The following SCARA3 variants were observed in gnomAD, a reference collection of about 807,000 sequenced individuals.
SCARA3 encodes scavenger receptor class A member 3, also known as cellular stress response gene protein.
In SCARA3, 39 loss-of-function variants were observed where a neutral mutation model predicts 47.0. The observed-to-expected ratio is 0.83, with a 90% confidence interval of 0.64 to 1.08. The LOEUF (loss-of-function observed/expected upper bound fraction) is 1.08. SCARA3 is among the 50% of genes least tolerant of loss of function. The probability of loss-of-function intolerance (pLI) is 0.00; values close to 1 mark genes in which losing one functional copy is unlikely to be tolerated. For synonymous variants in SCARA3, 356 were observed against 334.1 expected, an observed-to-expected ratio of 1.07 and a Z score of -0.71; for missense variants, 724 against 792.3, an observed-to-expected ratio of 0.91 and a Z score of 1.04.
In SCARA3 at chr8:27,672,867, T is replaced by C; in HGVS notation, c.*1516T>C. ...CAACACGGACCCAGAGAGCAGCCCT[T>C]CCCTGCTCAAAGCCTTTCCGCACCC... On this transcript the variant is annotated 3_prime_UTR_variant, in exon 6 of 6. Coordinates refer to ENST00000301904, the MANE Select transcript of SCARA3 (RefSeq NM_016240.3). The C allele has an allele frequency of 1.0e-6, 1 of 985,634 alleles. No homozygotes were observed. Among genetic ancestry groups the C allele is most frequent in the African/African-American group, 1.7e-5 (1 of 57,346 alleles). 61.1% of individuals were successfully genotyped at this position (985,634 alleles called of 1,614,324 possible).
the SCARA3 span, among the ~76,000 whole-genome samples, chr8:27,684,076 A>G: frequency 2.6e-5 from 4 of 152,210 alleles, no homozygotes; most frequent in African/African-American, 7.2e-5. Context: ...AGAAAAAAAC[A>G]TATGTTTTTG....
At position 27,651,519 on chromosome 8, in the gene SCARA3, C is replaced by G; in HGVS notation, c.118C>G (p.Pro40Ala). 1 of 1,612,580 alleles carries G rather than the reference C, an allele frequency of 6.2e-7. No individual in the cohort carries two copies. Residue 40 changes from proline (P) to alanine (A), a missense_variant, in exon 3 of 6, where the codon CCC (proline) becomes GCC (alanine). Pro to Ala is a conservative substitution (Grantham distance 27). Coordinates refer to ENST00000301904, the MANE Select transcript of SCARA3 (RefSeq NM_016240.3). ...FPCTQKGRPG[P>A]RCSRCQKNLS... ...TGTGTCCCCCACAGGCCGGCCAGGGCCCCGCTGCAGCCGCTGCCAGAAGAA... is the reference window on the plus strand; with the variant it reads ...TGTGTCCCCCACAGGCCGGCCAGGGGCCCGCTGCAGCCGCTGCCAGAAGAA...
chr8:27,692,144 T>A, the SCARA3 span, among the ~76,000 whole-genome samples: 2 of 152,114 alleles, frequency 1.3e-5, no homozygotes, highest in Admixed American at 1.3e-4. Context: ...TTAAAACTGA[T>A]AGAACAGGCC....
At chr8:27,676,288 G>T (rs1458656861), downstream of SCARA3, among the ~76,000 whole-genome samples, 2 of 152,218 alleles carry the variant, frequency 1.3e-5, no homozygotes. Context: ...CTGTGACAAG[G>T]CTTCACACTG....
chr8:27,725,237 A>C, the SCARA3 span, among the ~76,000 whole-genome samples: 4 of 152,132 alleles, frequency 2.6e-5, no homozygotes, highest in African/African-American at 9.7e-5. Flanking sequence ...TATGAAGAAG[A>C]AGCAGATGAT....
At chr8:27,714,683 C>T in the SCARA3 span, among the ~76,000 whole-genome samples, 1 of 152,062 alleles carries the variant, frequency 6.6e-6, no homozygotes, top group Non-Finnish European at 1.5e-5. Flanking sequence ...TATAAGAAAC[C>T]ATGAGTTCAC....
chr8:27,639,132 CA>C (rs1407967430), intron 1 of SCARA3, among the ~76,000 whole-genome samples: 1 of 152,136 alleles, frequency 6.6e-6, no homozygotes, highest in Non-Finnish European at 1.5e-5. Context: ...CACCTGAACC[CA>C]AGCTAAAAAA....
At chr8:27,725,725 G>C in the SCARA3 span, among the ~76,000 whole-genome samples, 4 of 152,118 alleles carry the variant, frequency 2.6e-5, no homozygotes, top group African/African-American at 9.7e-5. Context: ...CACAGTTCAA[G>C]AGCTGCTCCT....
intron 4 of SCARA3, among the ~76,000 whole-genome samples, chr8:27,657,650 C>T (rs1801771994): frequency 6.7e-6 from 1 of 149,356 alleles, no homozygotes; most frequent in South Asian, 2.1e-4. Context: ...GTGCCATTCT[C>T]CTGCCTCAGC....
chr8:27,646,963 A>C (rs1474490662), intron 1 of SCARA3, among the ~76,000 whole-genome samples: 37 of 26,598 alleles, frequency 1.4e-3, no homozygotes, highest in East Asian at 8.7e-3. Flanking sequence ...CGCACCCCTG[A>C]CCGCCCCCGC....
intron 1 of SCARA3, among the ~76,000 whole-genome samples, chr8:27,634,591 C>G (rs534310630): frequency 2.3e-4 from 35 of 152,360 alleles, no homozygotes; most frequent in African/African-American, 8.4e-4. Context: ...GAGGCCCCTG[C>G]ATCCCCCACC....
In SCARA3 at chr8:27,672,412, C is replaced by A; in HGVS notation, c.*1061C>A. 6.1e-6 allele frequency: 6 copies of A among 985,504 alleles called. No homozygotes were observed. Among genetic ancestry groups the A allele is most frequent in the Non-Finnish European group, 7.2e-6 (6 of 829,986 alleles). The allele number at this position is 985,504 out of a possible 1,614,324, so 61.0% of individuals were successfully genotyped here. On this transcript the variant is annotated 3_prime_UTR_variant, in exon 6 of 6. Coordinates refer to ENST00000301904, the MANE Select transcript of SCARA3 (RefSeq NM_016240.3). ...TCTGCACAGCTGCCTCCCTTGCTCT[C>A]CCTGAGGCTGGCCTGCCCCATTCCC...
downstream of SCARA3, among the ~76,000 whole-genome samples, chr8:27,678,680 C>T (rs1802313897): frequency 6.6e-6 from 1 of 152,192 alleles, no homozygotes. Context: ...CAAACTTCTT[C>T]TGAGTCTAGC....
chr8:27,705,228 G>A, the SCARA3 span, among the ~76,000 whole-genome samples: 2 of 152,210 alleles, frequency 1.3e-5, no homozygotes, highest in South Asian at 2.1e-4. Context: ...CAGGTCGAAG[G>A]AGCCTGGTAG....
At chr8:27,710,853 TA>T in the SCARA3 span, among the ~76,000 whole-genome samples, 3 of 151,994 alleles carry the variant, frequency 2.0e-5, no homozygotes, top group Non-Finnish European at 4.4e-5. Flanking sequence ...ATCTTTCCTG[TA>T]AACTGAAAGT....
intron 3 of SCARA3, among the ~76,000 whole-genome samples, chr8:27,655,472 C>G (rs1801723481): frequency 6.6e-6 from 1 of 152,206 alleles, no homozygotes. Context: ...GCTCTAACCA[C>G]TGGCCAACAT....
the SCARA3 span, among the ~76,000 whole-genome samples, chr8:27,724,581 C>T: frequency 6.6e-6 from 1 of 152,188 alleles, no homozygotes; most frequent in African/African-American, 2.4e-5. Context: ...CCGTTTGAAC[C>T]CGGGAGGCAG....
rs1371736123 is a variant in SCARA3, at chr8:27,672,578, GC to G, written c.*1230del. On this transcript the variant is annotated 3_prime_UTR_variant, in exon 6 of 6. Coordinates refer to ENST00000301904, the MANE Select transcript of SCARA3 (RefSeq NM_016240.3). The stretch of plus-strand genomic sequence containing the variant: ...CCTTGTCCCACCGGGACCCACAATG[GC>G]CCGAGCCCTCTTTGCATGGGCAGCC... 3.0e-6 allele frequency: 3 copies of G among 985,532 alleles called. 1 individual carries two copies. In the Admixed American group the frequency reaches 1.8e-4, roughly 61 times the overall value. 61.0% of individuals were successfully genotyped at this position (985,532 alleles called of 1,614,324 possible). A position where few individuals can be genotyped will look rare whatever the true frequency, so the allele number is the denominator to read the frequency against.
chr8:27,651,285 G>A (rs1801625505), intron 2 of SCARA3, among the ~76,000 whole-genome samples: 1 of 152,236 alleles, frequency 6.6e-6, no homozygotes, highest in Non-Finnish European at 1.5e-5. Flanking sequence ...GGTAGTGCTG[G>A]GGGCTGTTCT....
Sources: gnomAD v4.1 joint callset for allele counts (sites outside exome capture counted in the v4.1 genomes callset) on GRCh38, gnomAD v4.1.1 for gene constraint, MANE v1.5 for transcripts, NCBI Gene and HGNC (gene_info 2026-07-23, HGNC 2026-07-21) for gene names.